The following MICU3 variants were observed in gnomAD, a reference collection of about 807,000 sequenced individuals.
MICU3 encodes mitochondrial calcium uptake 3, also known as calcium uptake protein 3, mitochondrial.
Under a neutral mutation model 66.5 loss-of-function variants are expected in MICU3, and 62 were observed. That is an observed-to-expected ratio of 0.93 (90% confidence interval 0.76 to 1.15). MICU3 has a LOEUF of 1.15. MICU3 is among the 50% of genes most tolerant of loss of function. The probability of loss-of-function intolerance (pLI) is 0.00; values close to 1 mark genes in which losing one functional copy is unlikely to be tolerated. For synonymous variants in MICU3, 308 were observed against 240.7 expected (o/e 1.28, Z -2.59); for missense variants, 779 against 664.4 (o/e 1.17, Z -1.90).
chr8:17,113,148 G>T (rs960487130), intron 11 of MICU3, among the ~76,000 whole-genome samples: 2 of 152,134 alleles, frequency 1.3e-5, no homozygotes, highest in African/African-American at 4.8e-5. Context: ...TCAGTAGCTG[G>T]CTTATATGAA....
chr8:17,130,797 T>A, the MICU3 span, among the ~76,000 whole-genome samples: 1 of 152,044 alleles, frequency 6.6e-6, no homozygotes, highest in African/African-American at 2.4e-5. Flanking sequence ...GTACAACAAA[T>A]AGAATAAAAT....
intron 1 of MICU3, among the ~76,000 whole-genome samples, chr8:17,038,249 C>T (rs1046367804): frequency 1.3e-4 from 20 of 152,136 alleles, no homozygotes; most frequent in South Asian, 4.1e-4. Context: ...ATAATCCCCA[C>T]GTGTCATGGG....
intron 1 of MICU3, among the ~76,000 whole-genome samples, chr8:17,033,729 C>T (rs1031717952): frequency 6.6e-6 from 1 of 152,104 alleles, no homozygotes; most frequent in African/African-American, 2.4e-5. Context: ...AGCCACCGTG[C>T]CTGGCCAACT....
At chr8:17,089,529 G>A (rs1272968166) in intron 7 of MICU3, among the ~76,000 whole-genome samples, 1 of 152,056 alleles carries the variant, frequency 6.6e-6, no homozygotes, top group Non-Finnish European at 1.5e-5. Context: ...TAGTTTGGCT[G>A]AGTTCTGAGG....
At chr8:17,049,332 G>A (rs2150562267) in intron 1 of MICU3, among the ~76,000 whole-genome samples, 1 of 152,228 alleles carries the variant, frequency 6.6e-6, no homozygotes, top group African/African-American at 2.4e-5. Flanking sequence ...AACTTATAGT[G>A]CCACAGAGGT....
At chr8:17,031,362 C>T (rs1812040395) in intron 1 of MICU3, among the ~76,000 whole-genome samples, 1 of 151,102 alleles carries the variant, frequency 6.6e-6, no homozygotes, top group Non-Finnish European at 1.5e-5. Context: ...ATCTCAGTCA[C>T]TGGAACTTCA....
intron 14 of MICU3, among the ~76,000 whole-genome samples, chr8:17,119,532 CATAGATAGATAGATAG>C (rs10524011): frequency 1.1e-4 from 14 of 124,144 alleles, no homozygotes; most frequent in African/African-American, 4.3e-4. Flanking sequence ...AAGCTTGAAG[CATAGATAGATAGATAG>C]ATAGATAGAT....
At chr8:17,126,532 G>A (rs1803409317), downstream of MICU3, among the ~76,000 whole-genome samples, 1 of 152,192 alleles carries the variant, frequency 6.6e-6, no homozygotes, top group Admixed American at 6.5e-5. Context: ...AGGAACTTAA[G>A]GATGGTTATC....
chr8:17,047,949 T>G (rs769468946), intron 1 of MICU3, among the ~76,000 whole-genome samples: 7 of 152,296 alleles, frequency 4.6e-5, no homozygotes, highest in Non-Finnish European at 1.0e-4. Flanking sequence ...ATTATTATTT[T>G]AAAAGAAGTT....
At chr8:17,070,569 C>T (rs1819407577) in intron 3 of MICU3, among the ~76,000 whole-genome samples, 1 of 151,290 alleles carries the variant, frequency 6.6e-6, no homozygotes, top group Admixed American at 6.6e-5. Context: ...TGCTAATTTT[C>T]TATTTTTTAA....
At chr8:17,075,602 G>C (rs989547393) in intron 3 of MICU3, among the ~76,000 whole-genome samples, 1 of 152,114 alleles carries the variant, frequency 6.6e-6, no homozygotes, top group Non-Finnish European at 1.5e-5. Context: ...AAATTTTAGA[G>C]GTCCTTAAAG....
chr8:17,130,937 A>G, the MICU3 span, among the ~76,000 whole-genome samples: 5 of 152,208 alleles, frequency 3.3e-5, no homozygotes, highest in African/African-American at 1.2e-4. Flanking sequence ...GAAAATATGT[A>G]TTTTATATAT....
chr8:17,074,088 G>C (rs1389516871), intron 3 of MICU3, among the ~76,000 whole-genome samples: 9 of 150,458 alleles, frequency 6.0e-5, no homozygotes, highest in Non-Finnish European at 4.4e-5. Flanking sequence ...TTAGTAGAGA[G>C]GGGGTTTCAC....
intron 1 of MICU3, among the ~76,000 whole-genome samples, chr8:17,061,349 A>T (rs1015021602): frequency 6.6e-6 from 1 of 151,664 alleles, no homozygotes; most frequent in Non-Finnish European, 1.5e-5. Flanking sequence ...AGAAAGTTTG[A>T]TGAAAAAACA....
At position 17,121,233 on chromosome 8, in the gene MICU3, A is replaced by G. The variant is rs908058825; in HGVS notation, c.*946A>G. On this transcript the variant is annotated 3_prime_UTR_variant, in exon 15 of 15. Coordinates refer to ENST00000318063, the MANE Select transcript of MICU3 (RefSeq NM_181723.3). ...GTAAAAGACTAATATAAAATGGTTT[A>G]TAAGACTGATGTATATATTAAGTAG... 2.0e-5 allele frequency: 3 copies of G among 151,946 alleles called. No individual in the cohort carries two copies. Among genetic ancestry groups the G allele is most frequent in the East Asian group, 1.9e-4 (1 of 5,200 alleles). The allele number at this position is 151,946 out of a possible 1,614,324, so 9.4% of individuals were successfully genotyped here. A position where few individuals can be genotyped will look rare whatever the true frequency, so the allele number is the denominator to read the frequency against.
At chr8:17,057,433 A>C (rs1335330569) in intron 1 of MICU3, among the ~76,000 whole-genome samples, 3 of 152,248 alleles carry the variant, frequency 2.0e-5, no homozygotes, top group Non-Finnish European at 4.4e-5. Flanking sequence ...GATTGGTTCC[A>C]AAACTTATAT....
intron 12 of MICU3, among the ~76,000 whole-genome samples, chr8:17,115,067 C>T (rs1290944928): frequency 2.0e-5 from 3 of 149,064 alleles, no homozygotes; most frequent in Non-Finnish European, 3.0e-5. Flanking sequence ...TGCAGTGAGC[C>T]GAGATCCCGC....
intron 1 of MICU3, among the ~76,000 whole-genome samples, chr8:17,032,411 C>T (rs1812239422): frequency 6.6e-6 from 1 of 151,922 alleles, no homozygotes; most frequent in African/African-American, 2.4e-5. Flanking sequence ...GATTAGATTG[C>T]TTAACATACT....
At chr8:17,062,659 C>T (rs926850243) in intron 1 of MICU3, among the ~76,000 whole-genome samples, 3 of 151,882 alleles carry the variant, frequency 2.0e-5, no homozygotes, top group African/African-American at 4.8e-5. Flanking sequence ...TTATAAAATA[C>T]GTGAAAGTAT....
Sources: gnomAD v4.1 joint callset for allele counts (sites outside exome capture counted in the v4.1 genomes callset) on GRCh38, gnomAD v4.1.1 for gene constraint, MANE v1.5 for transcripts, NCBI Gene and HGNC (gene_info 2026-07-23, HGNC 2026-07-21) for gene names.